The following DNAJC15 variants were observed in gnomAD, a reference collection of about 807,000 sequenced individuals.
DNAJC15 encodes dnaJ homolog subfamily C member 15.
DNAJC15 carries 27 observed loss-of-function variants against 22.4 expected under a neutral mutation model. The observed-to-expected ratio is 1.20, with a 90% CI of 0.89 to 1.66. The LOEUF is 1.66. DNAJC15 is among the 40% of genes most tolerant of loss of function. The pLI is 0.00. For synonymous variants in DNAJC15, 79 were observed against 63.2 expected (o/e 1.25, Z -1.19); for missense variants, 208 against 187.1 (o/e 1.11, Z -0.65).
At chr13:43,097,771 C>A (rs2040747036) in intron 5 of DNAJC15, among the ~76,000 whole-genome samples, 1 of 152,046 alleles carries the variant, frequency 6.6e-6, no homozygotes, top group African/African-American at 2.4e-5. Flanking sequence ...AACCCCATCT[C>A]TATTAAAAAT....
chr13:43,100,894 T>A (rs1438401854), intron 5 of DNAJC15, among the ~76,000 whole-genome samples: 2 of 152,212 alleles, frequency 1.3e-5, no homozygotes, highest in Non-Finnish European at 2.9e-5. Context: ...TTTCTGTTTT[T>A]GTTTTGGTTG....
intron 2 of DNAJC15, among the ~76,000 whole-genome samples, chr13:43,066,678 A>C (rs890408129): frequency 1.3e-5 from 2 of 152,090 alleles, no homozygotes; most frequent in Non-Finnish European, 2.9e-5. Context: ...GCTGGAGTGC[A>C]GTGGGGCGAT....
intron 1 of DNAJC15, among the ~76,000 whole-genome samples, chr13:43,059,042 T>C (rs567696177): frequency 2.6e-5 from 4 of 152,270 alleles, no homozygotes; most frequent in East Asian, 1.9e-4. Flanking sequence ...TTTCCTGATA[T>C]GTTTCTGGAG....
chr13:43,086,215 T>G (rs1481418303), intron 5 of DNAJC15, among the ~76,000 whole-genome samples: 2 of 152,254 alleles, frequency 1.3e-5, no homozygotes, highest in Admixed American at 1.3e-4. Context: ...GAGGATTTCC[T>G]CCAAATCTGT....
intron 5 of DNAJC15, among the ~76,000 whole-genome samples, chr13:43,097,438 A>G (rs919979116): frequency 1.2e-4 from 19 of 152,236 alleles, no homozygotes; most frequent in African/African-American, 3.6e-4. Flanking sequence ...CTTGCAAGCC[A>G]TACTACAAAC....
At chr13:43,102,114 A>G (rs1487191632) in intron 5 of DNAJC15, among the ~76,000 whole-genome samples, 1 of 152,192 alleles carries the variant, frequency 6.6e-6, no homozygotes, top group South Asian at 2.1e-4. Flanking sequence ...TTTTTTAATT[A>G]TGGCCATTTT....
At chr13:43,085,657 C>G in intron 4 of DNAJC15, 111 bp from the exon 5 acceptor site, 1 of 745,654 alleles carries the variant, frequency 1.3e-6, no homozygotes, top group Non-Finnish European at 2.2e-6. Context: ...TATTTGTCCA[C>G]AAGATGGTGA....
chr13:43,091,083 TTTCTTTA>T (rs1292389348), intron 5 of DNAJC15, among the ~76,000 whole-genome samples: 1 of 152,048 alleles, frequency 6.6e-6, no homozygotes. Context: ...ATTTTTTTTA[TTTCTTTA>T]TTTTTTATTT....
At chr13:43,037,596 T>C (rs1399502674) in intron 1 of DNAJC15, among the ~76,000 whole-genome samples, 1 of 152,188 alleles carries the variant, frequency 6.6e-6, no homozygotes, top group Non-Finnish European at 1.5e-5. Context: ...GATCTTCCTT[T>C]TTCTTTTTTT....
chr13:43,030,318 G>A (rs1313836728), intron 1 of DNAJC15, among the ~76,000 whole-genome samples: 1 of 152,150 alleles, frequency 6.6e-6, no homozygotes, highest in Non-Finnish European at 1.5e-5. Context: ...CCACCCTCAA[G>A]GGCAGAGGAT....
At chr13:43,107,034 T>G in intron 5 of DNAJC15, 144 bp from the exon 6 acceptor site, 1 of 629,320 alleles carries the variant, frequency 1.6e-6, no homozygotes, top group South Asian at 3.3e-5. Context: ...TATACTGTTT[T>G]GATTTCTAGT....
chr13:43,095,915 A>G (rs1044668541), intron 5 of DNAJC15, among the ~76,000 whole-genome samples: 7 of 152,170 alleles, frequency 4.6e-5, no homozygotes, highest in African/African-American at 1.7e-4. Flanking sequence ...ATACACAACT[A>G]TTTTGAGAAG....
intron 1 of DNAJC15, among the ~76,000 whole-genome samples, chr13:43,059,604 T>C (rs2153440594): frequency 6.6e-6 from 1 of 152,338 alleles, no homozygotes; most frequent in South Asian, 2.1e-4. Flanking sequence ...TTGGAGCTTG[T>C]GAGCTGAAGG....
Position 43,108,997 on chromosome 13 carries a change from A to G in DNAJC15, c.*1749A>G, listed in dbSNP as rs1344168233. 1 of 152,168 alleles carries G rather than the reference A, an allele frequency of 6.6e-6. No individual in the cohort carries two copies. The highest frequency in any genetic ancestry group is 1.5e-5 in the Non-Finnish European group (1 of 68,036). 9.4% of individuals were successfully genotyped at this position (152,168 alleles called of 1,614,324 possible). On this transcript the variant is annotated 3_prime_UTR_variant, in exon 6 of 6. Coordinates refer to ENST00000379221, the MANE Select transcript of DNAJC15 (RefSeq NM_013238.3). ...CTAAGAATGCCATCCCAATCCCCAG[A>G]TGTCCACCTGCCCAAAGTCTAGGCA...
chr13:43,087,503 C>T (rs1387480363), intron 5 of DNAJC15, among the ~76,000 whole-genome samples: 1 of 152,106 alleles, frequency 6.6e-6, no homozygotes, highest in Non-Finnish European at 1.5e-5. Flanking sequence ...CTTTGGTAAG[C>T]GAAATCCAAG....
chr13:43,065,492 A>C (rs959654805), intron 1 of DNAJC15, among the ~76,000 whole-genome samples, 194 bp from the exon 2 acceptor site: 1 of 152,208 alleles, frequency 6.6e-6, no homozygotes, highest in Admixed American at 6.5e-5. Context: ...GAATCAGTTC[A>C]CTGAGAATTA....
At position 43,057,385 on chromosome 13, in the gene DNAJC15, G is replaced by A. The variant is rs192775701; in HGVS notation, c.109-8301G>A. Reference sequence around the variant, plus strand: ...ATGAAGTTCTTTTTTCTACTTGTTCGATTCTGTTGTAACTTTCCAGTGTAT... The same window carrying A: ...ATGAAGTTCTTTTTTCTACTTGTTCAATTCTGTTGTAACTTTCCAGTGTAT... On this transcript the variant is annotated intron_variant, in intron 1 of 5. Transcript: ENST00000379221. 3.9e-5 allele frequency among the ~76,000 whole-genome samples: 6 copies of A among 152,098 alleles called. No individual in the cohort carries two copies. The East Asian group carries it at 9.6e-4, about 24-fold the overall frequency.
At chr13:43,093,440 T>G (rs538957881) in intron 5 of DNAJC15, among the ~76,000 whole-genome samples, 1 of 152,330 alleles carries the variant, frequency 6.6e-6, no homozygotes, top group African/African-American at 2.4e-5. Flanking sequence ...AGACAGGGTC[T>G]TGTTCCATTG....
intron 1 of DNAJC15, among the ~76,000 whole-genome samples, chr13:43,048,302 A>AAAC (rs750497255): frequency 5.8e-4 from 86 of 149,376 alleles, no homozygotes; most frequent in Non-Finnish European, 9.0e-4. Context: ...CAAAATGGAG[A>AAAC]AACCTCGTCT....
Sources: gnomAD v4.1 joint callset for allele counts (sites outside exome capture counted in the v4.1 genomes callset) on GRCh38, gnomAD v4.1.1 for gene constraint, MANE v1.5 for transcripts, NCBI Gene and HGNC (gene_info 2026-07-23, HGNC 2026-07-21) for gene names.